Variants in MDGA2 observed in about 807,000 individuals in gnomAD.
MDGA2 encodes the protein MAM domain containing glycosylphosphatidylinositol anchor 2.
In MDGA2, 40 loss-of-function variants were observed where a neutral mutation model predicts 117.8. The ratio of observed to expected loss-of-function variants is 0.34; its 90% confidence interval spans 0.26 to 0.44. The LOEUF (loss-of-function observed/expected upper bound fraction) is 0.44, where lower values mean the gene tolerates loss of function less well. Among genes scored for constraint, MDGA2 ranks in the 20% least tolerant of loss-of-function variants. The pLI, the probability that MDGA2 is intolerant of heterozygous loss-of-function variation, is 1.00. For missense variants in MDGA2, 1,123 were observed against 1,250.6 expected, an observed-to-expected ratio of 0.90 and a Z score of 1.54; for synonymous variants, 452 against 439.0, an observed-to-expected ratio of 1.03 and a Z score of -0.37.
chr14:47,169,674 CTG>C (rs1198114244), intron 3 of MDGA2, among the ~76,000 whole-genome samples: 2 of 151,956 alleles, frequency 1.3e-5, no homozygotes, highest in African/African-American at 4.8e-5. Flanking sequence ...AGCTTAAAAA[CTG>C]AGATTTTTAT....
In MDGA2 at chr14:47,585,878, A is replaced by G. The variant is rs1421583913; in HGVS notation, c.280+88639T>C. Among the ~76,000 whole-genome samples, 7 of 151,768 alleles carry G rather than the reference A, an allele frequency of 4.6e-5. No individual in the cohort carries two copies. The East Asian group carries it at 1.2e-3, about 25-fold the overall frequency. ...ACACATCATTCAATCTTAGCAAAAC[A>G]AGAGGCAAGAAACATTTTCTTCCTT... On this transcript the variant is annotated intron_variant, in intron 1 of 16. Transcript: ENST00000399232.
chr14:47,280,261 C>A (rs554093589), intron 2 of MDGA2, among the ~76,000 whole-genome samples: 84 of 131,060 alleles, frequency 6.4e-4, no homozygotes, highest in Non-Finnish European at 9.9e-4. Flanking sequence ...TTGCGGTGCG[C>A]CGAGATCGCA....
At chr14:47,603,192 T>C (rs994084146) in intron 1 of MDGA2, among the ~76,000 whole-genome samples, 6 of 152,210 alleles carry the variant, frequency 3.9e-5, no homozygotes, top group African/African-American at 1.4e-4. Context: ...ATTTTTACTT[T>C]TTCCACCTTC....
intron 15 of MDGA2, among the ~76,000 whole-genome samples, chr14:46,851,395 T>G (rs573925304): frequency 2.8e-4 from 43 of 152,006 alleles, no homozygotes; most frequent in African/African-American, 1.0e-3. Flanking sequence ...GTTGCCCTAA[T>G]TTTTCCCAAT....
intron 4 of MDGA2, among the ~76,000 whole-genome samples, chr14:47,138,206 ATTAATT>A (rs1406502083): frequency 6.6e-6 from 1 of 152,126 alleles, no homozygotes; most frequent in Non-Finnish European, 1.5e-5. Flanking sequence ...CTACTTTAAC[ATTAATT>A]TTATTTTGTT....
At chr14:47,073,170 C>A (rs1442508423) in intron 6 of MDGA2, among the ~76,000 whole-genome samples, 2 of 152,140 alleles carry the variant, frequency 1.3e-5, no homozygotes, top group Non-Finnish European at 2.9e-5. Context: ...AAGAATGTAA[C>A]CAACTATCAT....
chr14:47,265,576 G>A (rs1887939104), intron 2 of MDGA2, among the ~76,000 whole-genome samples: 1 of 151,268 alleles, frequency 6.6e-6, no homozygotes, highest in African/African-American at 2.4e-5. Flanking sequence ...GACCCTAAAT[G>A]TAATGGCATA....
At chr14:47,183,939 C>A (rs1036924586) in intron 3 of MDGA2, among the ~76,000 whole-genome samples, 5 of 152,006 alleles carry the variant, frequency 3.3e-5, no homozygotes, top group Admixed American at 6.6e-5. Flanking sequence ...TTCTTGAGGT[C>A]TCAACTTAGA....
At chr14:47,466,871 C>T (rs914749778) in intron 1 of MDGA2, among the ~76,000 whole-genome samples, 1 of 151,920 alleles carries the variant, frequency 6.6e-6, no homozygotes, top group African/African-American at 2.4e-5. Context: ...TCTGCAGGTA[C>T]CTTCAGTTTT....
intron 9 of MDGA2, among the ~76,000 whole-genome samples, chr14:46,921,905 T>C (rs1443143026): frequency 6.6e-6 from 1 of 152,034 alleles, no homozygotes; most frequent in African/African-American, 2.4e-5. Flanking sequence ...CTAGATTGAA[T>C]TGGGGAGGTA....
At chr14:47,004,384 A>G (rs1887638688) in intron 8 of MDGA2, among the ~76,000 whole-genome samples, 1 of 151,784 alleles carries the variant, frequency 6.6e-6, no homozygotes, top group Non-Finnish European at 1.5e-5. Flanking sequence ...AACCATATAT[A>G]TCCACATATA....
intron 8 of MDGA2, among the ~76,000 whole-genome samples, chr14:47,031,571 T>A (rs1391630321): frequency 6.6e-6 from 1 of 152,090 alleles, no homozygotes; most frequent in Non-Finnish European, 1.5e-5. Context: ...CCCTGATACT[T>A]AAGTAATAAA....
chr14:47,378,712 C>G (rs1349673424), intron 1 of MDGA2, among the ~76,000 whole-genome samples: 4 of 152,086 alleles, frequency 2.6e-5, no homozygotes, highest in Non-Finnish European at 5.9e-5. Flanking sequence ...AAATATGGGA[C>G]TATGTGAAAA....
At chr14:47,455,304 G>A (rs1471810803) in intron 1 of MDGA2, among the ~76,000 whole-genome samples, 6 of 152,036 alleles carry the variant, frequency 3.9e-5, no homozygotes, top group South Asian at 2.1e-4. Context: ...TCAGGAGTTC[G>A]AGACCAGCCT....
chr14:47,021,814 T>C (rs1228872285), intron 8 of MDGA2, among the ~76,000 whole-genome samples: 4 of 152,188 alleles, frequency 2.6e-5, no homozygotes, highest in Non-Finnish European at 4.4e-5. Context: ...AGTCACACAA[T>C]TAAAATTGGC....
chr14:46,872,990 A>G (rs1391903832), intron 14 of MDGA2, among the ~76,000 whole-genome samples: 8 of 135,884 alleles, frequency 5.9e-5, no homozygotes, highest in Admixed American at 3.6e-4. Flanking sequence ...TACTTTAAAA[A>G]CATGAAAAAA....
chr14:47,224,822 A>C (rs1356821440), intron 2 of MDGA2, among the ~76,000 whole-genome samples: 1 of 152,228 alleles, frequency 6.6e-6, no homozygotes, highest in Non-Finnish European at 1.5e-5. Context: ...AGAGTTTATT[A>C]GAGTTTTCAA....
At chr14:47,471,695 C>T (rs1366583395) in intron 1 of MDGA2, among the ~76,000 whole-genome samples, 2 of 151,910 alleles carry the variant, frequency 1.3e-5, no homozygotes, top group African/African-American at 4.8e-5. Context: ...TGCCTCAATC[C>T]TCTTAGTGGC....
intron 1 of MDGA2, among the ~76,000 whole-genome samples, chr14:47,672,532 G>A (rs182504895): frequency 2.6e-5 from 4 of 152,252 alleles, no homozygotes; most frequent in Admixed American, 2.0e-4. Context: ...ATGTCCTTCT[G>A]ATCCAGATAG....
Sources: gnomAD v4.1 joint callset for allele counts (sites outside exome capture counted in the v4.1 genomes callset) on GRCh38, gnomAD v4.1.1 for gene constraint, MANE v1.5 for transcripts, NCBI Gene and HGNC (gene_info 2026-07-23, HGNC 2026-07-21) for gene names.